MTAP: variants seen among roughly 807,000 people sequenced by gnomAD.
MTAP encodes the protein S-methyl-5'-thioadenosine phosphorylase.
In MTAP, 33 loss-of-function variants were observed where a neutral mutation model predicts 33.6. The observed-to-expected ratio is 0.98, with a 90% CI of 0.74 to 1.31. MTAP has a LOEUF of 1.31. Among genes scored for constraint, MTAP ranks in the 40% most tolerant of loss-of-function variants. The pLI, the probability that MTAP is intolerant of heterozygous loss-of-function variation, is 0.00. For synonymous variants in MTAP, 148 were observed against 125.7 expected (o/e 1.18, Z -1.19); for missense variants, 367 against 360.0 (o/e 1.02, Z -0.16).
At chr9:21,910,972 G>C (rs1236179841) in intron 1 of MTAP, among the ~76,000 whole-genome samples, 1 of 152,166 alleles carries the variant, frequency 6.6e-6, no homozygotes, top group African/African-American at 2.4e-5. Flanking sequence ...AAAGGCAGGG[G>C]TTGCAATCCT....
chr9:21,876,339 G>A (rs1826007677), intron 1 of MTAP, among the ~76,000 whole-genome samples: 1 of 152,028 alleles, frequency 6.6e-6, no homozygotes, highest in Non-Finnish European at 1.5e-5. Flanking sequence ...TCTGTTGATA[G>A]TTTCTTTTGC....
At chr9:21,872,475 C>T (rs1185500933) in intron 1 of MTAP, among the ~76,000 whole-genome samples, 2 of 152,176 alleles carry the variant, frequency 1.3e-5, no homozygotes, top group Non-Finnish European at 2.9e-5. Context: ...TCCCAAACTT[C>T]ATTTTCATTC....
At chr9:21,877,147 T>C (rs1264633365) in intron 1 of MTAP, among the ~76,000 whole-genome samples, 1 of 152,174 alleles carries the variant, frequency 6.6e-6, no homozygotes, top group African/African-American at 2.4e-5. Flanking sequence ...CATTCCTGAT[T>C]TGGCTCTCTG....
chr9:21,821,880 T>G (rs1483230333), intron 4 of MTAP, among the ~76,000 whole-genome samples: 2 of 152,192 alleles, frequency 1.3e-5, no homozygotes, highest in Admixed American at 1.3e-4. Flanking sequence ...GTCCAGGAAT[T>G]TATCCATTTC....
intron 1 of MTAP, among the ~76,000 whole-genome samples, chr9:21,883,228 A>G (rs1818046072): frequency 6.6e-6 from 1 of 152,126 alleles, no homozygotes. Flanking sequence ...AAAGATTTAA[A>G]TAGTTCAACA....
chr9:21,903,533 T>TG (rs1261568833), intron 1 of MTAP, among the ~76,000 whole-genome samples: 2 of 152,132 alleles, frequency 1.3e-5, no homozygotes, highest in East Asian at 1.9e-4. Flanking sequence ...ACCACTTCTC[T>TG]GGGGGTCTTG....
At chr9:21,909,890 TAAC>T (rs1344323233) in intron 1 of MTAP, among the ~76,000 whole-genome samples, 1 of 152,182 alleles carries the variant, frequency 6.6e-6, no homozygotes, top group East Asian at 1.9e-4. Flanking sequence ...CCACACATAA[TAAC>T]AGTGGCATAA....
In MTAP at chr9:21,863,880, G is replaced by A. The variant is rs1825804152; in HGVS notation, c.*1866G>A. 1 of 985,784 alleles carries A rather than the reference G, an allele frequency of 1.0e-6. No homozygotes were observed. The highest frequency in any genetic ancestry group is 4.7e-5 in the South Asian group (1 of 21,280). The allele number at this position is 985,784 out of a possible 1,614,324, so 61.1% of individuals were successfully genotyped here. A position where few individuals can be genotyped will look rare whatever the true frequency, so the allele number is the denominator to read the frequency against. On this transcript the variant is annotated 3_prime_UTR_variant, in exon 8 of 8. Transcript: ENST00000644715. ...GTATTAATATGACTCATTAGTGTGA[G>A]CCATTTGGGTCAAGTATGATTATGA...
At chr9:21,906,536 A>G (rs182023514) in intron 1 of MTAP, among the ~76,000 whole-genome samples, 1 of 152,182 alleles carries the variant, frequency 6.6e-6, no homozygotes, top group South Asian at 2.1e-4. Context: ...AAGGGCTGAC[A>G]TAAAATCTAC....
At chr9:21,820,538 C>T (rs551865457) in intron 4 of MTAP, among the ~76,000 whole-genome samples, 30 of 152,298 alleles carry the variant, frequency 2.0e-4, no homozygotes, top group African/African-American at 7.2e-4. Flanking sequence ...GTTTTGGTGA[C>T]TGTAGCCTTG....
At chr9:21,833,617 A>C (rs931226458) in intron 4 of MTAP, among the ~76,000 whole-genome samples, 10 of 152,126 alleles carry the variant, frequency 6.6e-5, no homozygotes, top group Non-Finnish European at 1.3e-4. Flanking sequence ...CTTCCCCTAA[A>C]CCGTCCTCCT....
intron 1 of MTAP, chr9:21,893,983 T>A (rs1282410683): frequency 6.6e-6 from 1 of 151,526 alleles, no homozygotes; most frequent in Non-Finnish European, 1.5e-5. Context: ...CTGGTGAACA[T>A]GTATACAAAA....
At chr9:21,900,558 C>G (rs1349709150) in intron 1 of MTAP, among the ~76,000 whole-genome samples, 1 of 152,214 alleles carries the variant, frequency 6.6e-6, no homozygotes, top group African/African-American at 2.4e-5. Context: ...CACTAATACA[C>G]TGCTGGTGGG....
intron 1 of MTAP, among the ~76,000 whole-genome samples, chr9:21,912,454 C>T (rs1240077254): frequency 1.3e-5 from 2 of 152,152 alleles, no homozygotes; most frequent in Non-Finnish European, 2.9e-5. Flanking sequence ...GGGCTTCATC[C>T]CTGGGATGCA....
chr9:21,887,876 G>T (rs564185403), intron 1 of MTAP, among the ~76,000 whole-genome samples: 45 of 152,022 alleles, frequency 3.0e-4, no homozygotes, highest in Admixed American at 1.4e-3. Flanking sequence ...AGTTTTGTGT[G>T]GGGGGGTTGC....
chr9:21,845,813 G>A (rs1825366958), intron 5 of MTAP, among the ~76,000 whole-genome samples: 2 of 151,552 alleles, frequency 1.3e-5, no homozygotes, highest in Admixed American at 1.3e-4. Flanking sequence ...GCCAAAGCAA[G>A]ACTAAGCAAA....
chr9:21,808,798 C>G (rs1033942386), intron 1 of MTAP: 1 of 152,152 alleles, frequency 6.6e-6, no homozygotes. Context: ...ATAAATTACC[C>G]TATCTCAGGT....
At chr9:21,858,380 A>G (rs150361337) in intron 6 of MTAP, among the ~76,000 whole-genome samples, 1,545 of 152,292 alleles carry the variant, frequency 0.01, 39 homozygotes, top group African/African-American at 0.035. Flanking sequence ...TATAAAGAAA[A>G]GAGGTTTAAT....
chr9:21,840,177 G>C (rs959005294), intron 5 of MTAP, among the ~76,000 whole-genome samples: 40 of 151,464 alleles, frequency 2.6e-4, no homozygotes, highest in Non-Finnish European at 7.4e-5. Flanking sequence ...AGTGAGCCAA[G>C]ATTGTGCCAC....
Sources: allele counts gnomAD v4.1 joint callset (sites outside exome capture counted in the v4.1 genomes callset), GRCh38; gene constraint gnomAD v4.1.1; transcripts MANE v1.5; gene names NCBI Gene and HGNC (gene_info 2026-07-23, HGNC 2026-07-21).